The following GPM6A variants were observed in gnomAD, a reference collection of about 807,000 sequenced individuals.
GPM6A encodes the protein neuronal membrane glycoprotein M6-a.
A neutral mutation model predicts 32.1 loss-of-function variants in GPM6A; 7 were observed. The observed-to-expected ratio is 0.22, with a 90% CI of 0.12 to 0.41. The LOEUF (loss-of-function observed/expected upper bound fraction) is 0.41. Among genes scored for constraint, GPM6A ranks in the 10% least tolerant of loss-of-function variants. GPM6A has a pLI of 1.00. For synonymous variants in GPM6A, 130 were observed against 123.4 expected, an observed-to-expected ratio of 1.05 and a Z score of -0.35; for missense variants, 235 against 347.2, an observed-to-expected ratio of 0.68 and a Z score of 2.57.
chr4:175,778,647 A>G (rs1331712618), intron 1 of GPM6A, among the ~76,000 whole-genome samples: 44 of 148,816 alleles, frequency 3.0e-4, no homozygotes, highest in African/African-American at 9.0e-4. Context: ...AAAAAAAAAA[A>G]AAAGAAAAAG....
Position 175,676,850 on chromosome 4 carries a change from C to T in GPM6A, c.231-3014G>A, listed in dbSNP as rs140943087. Among the ~76,000 whole-genome samples, 1,089 of 152,252 alleles carry T rather than the reference C, an allele frequency of 7.2e-3. 11 individuals are homozygous for T. Among genetic ancestry groups the T allele is most frequent in the African/African-American group, 0.024 (984 of 41,552 alleles). On this transcript the variant is annotated intron_variant, in intron 2 of 6. Transcript: ENST00000393658. The stretch of plus-strand genomic sequence containing the variant: ...GCTAATGAATAAGATAAGTGTCTAT[C>T]AAAAGCCTCTTAATTCTTAGCTATC...
intron 4 of GPM6A, among the ~76,000 whole-genome samples, chr4:175,647,416 T>C (rs1741522938): frequency 6.6e-6 from 1 of 152,108 alleles, no homozygotes. Context: ...AAAATACGAA[T>C]AAAATTATTT....
rs369356012 is a variant in GPM6A, at chr4:175,772,637, A to G, written c.37+39554T>C. ...CCTCTGGAGGAAAGAGGAAAAAAAA[A>G]TTAAAAGGAAAGGCAGAGACATCAC... On this transcript the variant is annotated intron_variant, in intron 1 of 6. Coordinates refer to ENST00000393658, the MANE Select transcript of GPM6A (RefSeq NM_201591.3). 1.9e-3 allele frequency among the ~76,000 whole-genome samples: 284 copies of G among 152,294 alleles called. 1 individual carries two copies. The highest frequency in any genetic ancestry group is 5.7e-3 in the African/African-American group (237 of 41,560).
intron 1 of GPM6A, among the ~76,000 whole-genome samples, chr4:175,957,055 T>A (rs1278519790): frequency 6.6e-6 from 1 of 151,754 alleles, no homozygotes; most frequent in African/African-American, 2.4e-5. Context: ...GACAGAAAAA[T>A]ATATTTTTTT....
At chr4:175,792,682 A>C (rs919202173) in intron 1 of GPM6A, among the ~76,000 whole-genome samples, 9 of 152,138 alleles carry the variant, frequency 5.9e-5, no homozygotes, top group Admixed American at 2.0e-4. Context: ...ACAATGTAAA[A>C]CTCTTTATTT....
chr4:175,864,746 C>T (rs966050701), intron 1 of GPM6A, among the ~76,000 whole-genome samples: 1 of 151,850 alleles, frequency 6.6e-6, no homozygotes, highest in Non-Finnish European at 1.5e-5. Context: ...TTTTCTTCTG[C>T]GTTTTCTTCT....
intron 1 of GPM6A, among the ~76,000 whole-genome samples, chr4:175,768,925 A>G (rs902542343): frequency 7.2e-5 from 11 of 152,022 alleles, no homozygotes; most frequent in Non-Finnish European, 1.3e-4. Flanking sequence ...GTGAAACTCC[A>G]TCTCTACAAA....
At position 175,643,505 on chromosome 4, in the gene GPM6A, T is replaced by A. The variant is rs555098145; in HGVS notation, c.542-2676A>T. ...CACCGGCTCTTCTCTCTGACAAGAA[T>A]ATTCCCAGAGCTGAGCTACTCCTGT... On this transcript the variant is annotated intron_variant, in intron 4 of 6. Coordinates refer to ENST00000393658, the MANE Select transcript of GPM6A (RefSeq NM_201591.3). 3.1e-4 allele frequency among the ~76,000 whole-genome samples: 47 copies of A among 152,236 alleles called. 1 individual carries two copies. The highest frequency in any genetic ancestry group is 1.1e-3 in the African/African-American group (46 of 41,546).
chr4:175,875,674 T>A lies in GPM6A; in HGVS notation c.-22-63425A>T, dbSNP rs191238068. Among the ~76,000 whole-genome samples, 268 of 152,292 alleles carry A rather than the reference T, an allele frequency of 1.8e-3. 1 individual carries two copies. Among genetic ancestry groups the A allele is most frequent in the African/African-American group, 6.2e-3 (258 of 41,568 alleles). On this transcript the variant is annotated intron_variant, in intron 1 of 7. Coordinates refer to the GPM6A transcript ENST00000280187. ...GCATCTCATCCCTACAAATACCATC[T>A]CATATGCCAACTAAACATGCAGACT...
At chr4:175,824,589 G>GGGAAA (rs1257828452) in intron 1 of GPM6A, among the ~76,000 whole-genome samples, 10 of 151,812 alleles carry the variant, frequency 6.6e-5, no homozygotes, top group Admixed American at 4.6e-4. Flanking sequence ...GCCTGTCATT[G>GGGAAA]TGGTCAGAAA....
At chr4:175,758,193 C>T (rs1434135229) in intron 1 of GPM6A, among the ~76,000 whole-genome samples, 1 of 152,090 alleles carries the variant, frequency 6.6e-6, no homozygotes, top group Non-Finnish European at 1.5e-5. Context: ...TAAGAATTAA[C>T]ATTTGTATTA....
intron 1 of GPM6A, among the ~76,000 whole-genome samples, chr4:175,778,167 A>T (rs769158535): frequency 6.6e-6 from 1 of 152,168 alleles, no homozygotes; most frequent in Non-Finnish European, 1.5e-5. Flanking sequence ...CTGTTTTCTT[A>T]TGGGATTAAT....
chr4:175,711,027 ACTT>A, intron 1 of GPM6A, among the ~76,000 whole-genome samples: 1 of 152,120 alleles, frequency 6.6e-6, no homozygotes, highest in East Asian at 1.9e-4. Context: ...AGCTCCCTGA[ACTT>A]CTCCTTTAAC....
intron 6 of GPM6A, among the ~76,000 whole-genome samples, chr4:175,637,720 T>C (rs1293653637): frequency 1.2e-5 from 1 of 82,388 alleles, no homozygotes; most frequent in Non-Finnish European, 2.1e-5. Context: ...TATATTTATA[T>C]ATAATATATT....
intron 1 of GPM6A, chr4:175,907,432 T>C (rs1738165676): frequency 6.6e-6 from 1 of 152,164 alleles, no homozygotes; most frequent in Non-Finnish European, 1.5e-5. Flanking sequence ...TGCATCTACA[T>C]CTGTGTCCTC....
At chr4:175,945,860 A>G (rs1739585288) in intron 1 of GPM6A, among the ~76,000 whole-genome samples, 1 of 152,014 alleles carries the variant, frequency 6.6e-6, no homozygotes, top group African/African-American at 2.4e-5. Flanking sequence ...ACGGGTGCAT[A>G]TTACGTACAA....
At chr4:175,905,382 T>A (rs1462790886) in intron 1 of GPM6A, among the ~76,000 whole-genome samples, 2 of 148,880 alleles carry the variant, frequency 1.3e-5, no homozygotes, top group African/African-American at 5.1e-5. Context: ...TTTTTGTGAT[T>A]TTTTTTTTCT....
intron 1 of GPM6A, among the ~76,000 whole-genome samples, chr4:175,827,660 G>A (rs1414361976): frequency 1.3e-5 from 2 of 152,164 alleles, no homozygotes; most frequent in African/African-American, 4.8e-5. Flanking sequence ...CCATTCTCTA[G>A]GCTCTGTTGG....
chr4:175,783,945 G>A (rs563684682), intron 1 of GPM6A, among the ~76,000 whole-genome samples: 1 of 151,238 alleles, frequency 6.6e-6, no homozygotes, highest in Admixed American at 6.6e-5. Context: ...CTTCTTCTAG[G>A]AAGTGGAGCT....
Sources: allele counts gnomAD v4.1 joint callset (sites outside exome capture counted in the v4.1 genomes callset), GRCh38; gene constraint gnomAD v4.1.1; transcripts MANE v1.5; gene names NCBI Gene and HGNC (gene_info 2026-07-23, HGNC 2026-07-21).